Variants in RELCH observed in about 807,000 individuals in gnomAD.
RELCH encodes RAB11-binding protein RELCH.
Under a neutral mutation model 150.3 loss-of-function variants are expected in RELCH, and 41 were observed. That is an observed-to-expected ratio of 0.27 (90% confidence interval 0.21 to 0.35). The LOEUF (loss-of-function observed/expected upper bound fraction) is 0.35. RELCH is among the 10% of genes least tolerant of loss of function. The pLI, the probability that RELCH is intolerant of heterozygous loss-of-function variation, is 1.00. For missense variants in RELCH, 1,092 were observed against 1,467.8 expected (o/e 0.74, Z 4.18); for synonymous variants, 478 against 531.8 (o/e 0.90, Z 1.39).
intron 27 of RELCH, among the ~76,000 whole-genome samples, chr18:62,293,883 T>C (rs1471410323): frequency 2.6e-5 from 4 of 152,146 alleles, no homozygotes; most frequent in African/African-American, 9.7e-5. Flanking sequence ...ACTTTGTTTT[T>C]CTTATTGTTT....
intron 28 of RELCH, among the ~76,000 whole-genome samples, chr18:62,302,583 C>A (rs56181023): frequency 0.16 from 24,633 of 152,014 alleles, 2,678 homozygotes; most frequent in Middle Eastern, 0.29. Flanking sequence ...TGCAGTGGCA[C>A]CATCTCGGCT....
chr18:62,298,759 G>A (rs751137038), intron 27 of RELCH, 31 bp from the exon 28 acceptor site: 8 of 1,027,866 alleles, frequency 7.8e-6, no homozygotes, highest in Middle Eastern at 4.5e-4. Flanking sequence ...TATGTAAACT[G>A]TATTTCACTA....
intron 19 of RELCH, chr18:62,268,409 A>T (rs2043705525): frequency 6.6e-6 from 1 of 152,500 alleles, no homozygotes; most frequent in Non-Finnish European, 1.5e-5. Flanking sequence ...CCTACTGAGG[A>T]TGCAGGAGGG....
rs907853537 is a variant in RELCH at position 62,274,325 on chromosome 18, G to A, written c.2867+239G>A. 2.6e-5 allele frequency among the ~76,000 whole-genome samples: 4 copies of A among 152,232 alleles called. No homozygotes were observed. The East Asian group carries it at 7.7e-4, about 29-fold the overall frequency. ...AGTAGGGGAAAGGGTGCAGACATAT[G>A]TTTTCTTTGAAGCAGTTGGAGAAAT... On this transcript the variant is annotated intron_variant, in intron 21 of 28. Coordinates refer to ENST00000644646, the MANE Select transcript of RELCH (RefSeq NM_001346231.2).
chr18:62,220,367 T>A lies in RELCH; in HGVS notation c.617-670T>A, dbSNP rs1282043870. ...AAATAAAACCCTTGGGGTTTTGGAT[T>A]TTTTTTTTTTTTTTTTGATATGTGT... On this transcript the variant is annotated intron_variant, in intron 2 of 28. Coordinates refer to ENST00000644646, the MANE Select transcript of RELCH (RefSeq NM_001346231.2). Among the ~76,000 whole-genome samples, 6 of 50,394 alleles carry A rather than the reference T, an allele frequency of 1.2e-4. No homozygotes were observed. The East Asian group carries it at 8.9e-3, about 75-fold the overall frequency. The allele number at this position is 50,394 out of a possible 152,430, so 33.1% of individuals were successfully genotyped here.
chr18:62,235,648 A>G (rs1213107661), intron 10 of RELCH, among the ~76,000 whole-genome samples: 1 of 151,984 alleles, frequency 6.6e-6, no homozygotes, highest in Admixed American at 6.6e-5. Context: ...TTTTTAGTAT[A>G]CAATTCTTTC....
At chr18:62,301,658 A>G (rs1380184194) in intron 28 of RELCH, among the ~76,000 whole-genome samples, 1 of 152,160 alleles carries the variant, frequency 6.6e-6, no homozygotes, top group Non-Finnish European at 1.5e-5. Flanking sequence ...GAGAATTTGT[A>G]TTGGTAACAA....
chr18:62,309,239 A>AAC lies in RELCH; in HGVS notation c.*3706_*3707insCA, dbSNP rs1425437434. 1 of 149,074 alleles carries AAC rather than the reference A, an allele frequency of 6.7e-6. No homozygotes were observed. The highest frequency in any genetic ancestry group is 2.6e-5 in the African/African-American group (1 of 38,720). The allele number at this position is 149,074 out of a possible 1,614,324, so 9.2% of individuals were successfully genotyped here. A position where few individuals can be genotyped will look rare whatever the true frequency, so the allele number is the denominator to read the frequency against. ...GCGAGAGTGAGACTACATCTCAAAA[A>AAC]AAAAAAATAATAATAGAGACAAACT... is the stretch of plus-strand genomic sequence containing the variant. On this transcript the variant is annotated 3_prime_UTR_variant, in exon 29 of 29. Transcript: ENST00000644646.
chr18:62,232,748 G>C (rs1167984295), intron 10 of RELCH, among the ~76,000 whole-genome samples: 1 of 151,912 alleles, frequency 6.6e-6, no homozygotes, highest in Non-Finnish European at 1.5e-5. Context: ...CTAATTATCT[G>C]TGCTCTTGGT....
At chr18:62,242,263 T>G (rs1313316726) in intron 10 of RELCH, among the ~76,000 whole-genome samples, 1 of 152,216 alleles carries the variant, frequency 6.6e-6, no homozygotes, top group African/African-American at 2.4e-5. Flanking sequence ...GCAATATCAA[T>G]TATTACTGTG....
intron 27 of RELCH, among the ~76,000 whole-genome samples, chr18:62,292,272 A>T (rs1382227435): frequency 2.0e-5 from 3 of 152,150 alleles, no homozygotes; most frequent in African/African-American, 7.2e-5. Context: ...ACTCATGACC[A>T]AGCTGCCACC....
In RELCH at chr18:62,227,420, A is replaced by T; in HGVS notation, c.990A>T (p.Glu330Asp). 6.2e-7 allele frequency: 1 copy of T among 1,613,382 alleles called. No homozygotes were observed. Among genetic ancestry groups the T allele is most frequent in the Non-Finnish European group, 8.5e-7 (1 of 1,179,596 alleles). Residue 330 changes from glutamate to aspartate, a missense_variant, in exon 6 of 29, where the codon GAA becomes GAT. By Grantham distance (45) the Glu-to-Asp change is conservative (BLOSUM62 2). Around this residue, in one of 4 missense-constraint regions of RELCH, gnomAD observed 57 missense variants for 41.5 expected, o/e 1.37. Coordinates refer to ENST00000644646, the MANE Select transcript of RELCH (RefSeq NM_001346231.2). ...DLVDVASGVE[E>D]DELEALTPII... ...TAGATGTGGCCAGTGGAGTAGAAGAAGATGAATTAGAGGCCCTTACACCAA... is the reference window on the plus strand; with the variant it reads ...TAGATGTGGCCAGTGGAGTAGAAGATGATGAATTAGAGGCCCTTACACCAA...
At chr18:62,203,931 A>C (rs2148260195) in intron 1 of RELCH, among the ~76,000 whole-genome samples, 1 of 152,320 alleles carries the variant, frequency 6.6e-6, no homozygotes, top group Middle Eastern at 3.4e-3. Flanking sequence ...GCGAGCTATG[A>C]TCATGCCACT....
chr18:62,195,286 G>A (rs926559192), intron 1 of RELCH, among the ~76,000 whole-genome samples: 2 of 151,462 alleles, frequency 1.3e-5, no homozygotes, highest in Non-Finnish European at 2.9e-5. Flanking sequence ...CACTCTGTGT[G>A]TGTGTGTGTG....
chr18:62,199,240 T>C (rs1433057138), intron 1 of RELCH, among the ~76,000 whole-genome samples: 1 of 148,594 alleles, frequency 6.7e-6, no homozygotes, highest in Non-Finnish European at 1.5e-5. Flanking sequence ...GATCTCTAAA[T>C]CTTCTGTACT....
In RELCH at chr18:62,275,430, A is replaced by C; in HGVS notation, c.2924A>C (p.His975Pro). 1 of 1,605,952 alleles carries C rather than the reference A, an allele frequency of 6.2e-7. No homozygotes were observed. Among genetic ancestry groups the C allele is most frequent in the Non-Finnish European group, 8.5e-7 (1 of 1,176,712 alleles). ...LLTVLWYGVV[H>P]TSALVRCTAA... ...ACTGTTTTGTGGTATGGTGTTGTCC[A>C]TACTTCAGCACTCGTGAGGTGTACT... The change falls in exon 22 of 29, where the codon CAT (histidine) becomes CCT (proline). Residue 975 changes from histidine to proline, a missense_variant. His to Pro is a moderately conservative substitution (Grantham distance 77). Coordinates refer to ENST00000644646, the MANE Select transcript of RELCH (RefSeq NM_001346231.2).
At chr18:62,204,996 G>T (rs976003311) in intron 1 of RELCH, among the ~76,000 whole-genome samples, 33 of 152,160 alleles carry the variant, frequency 2.2e-4, no homozygotes, top group African/African-American at 7.7e-4. Context: ...AAAGTTCAAA[G>T]CATACAGACA....
intron 27 of RELCH, among the ~76,000 whole-genome samples, chr18:62,294,272 T>A (rs1280610281): frequency 6.6e-6 from 1 of 152,236 alleles, no homozygotes; most frequent in Non-Finnish European, 1.5e-5. Context: ...TTTTGCCAGC[T>A]AATGCTAAAT....
At chr18:62,189,275 G>GTTTT (rs200508195) in intron 1 of RELCH, among the ~76,000 whole-genome samples, 2 of 130,354 alleles carry the variant, frequency 1.5e-5, no homozygotes. Flanking sequence ...TTTTTTTGTT[G>GTTTT]TTTTTTTTTT....
Sources: allele counts gnomAD v4.1 joint callset (sites outside exome capture counted in the v4.1 genomes callset), GRCh38; gene constraint gnomAD v4.1.1; regional missense constraint gnomAD v4.1.1; transcripts MANE v1.5; gene names NCBI Gene and HGNC (gene_info 2026-07-23, HGNC 2026-07-21).